Variants in ADGRF5 observed in about 807,000 individuals in gnomAD.
The protein encoded by ADGRF5 is adhesion G protein-coupled receptor F5.
A neutral mutation model predicts 132.3 loss-of-function variants in ADGRF5; 75 were observed. The observed-to-expected ratio is 0.57, with a 90% CI of 0.47 to 0.69. The LOEUF is 0.69. ADGRF5 is among the 30% of genes least tolerant of loss of function. ADGRF5 has a pLI of 0.00. For missense variants in ADGRF5, 1,516 were observed against 1,630.6 expected (o/e 0.93, Z 1.21); for synonymous variants, 629 against 597.6 (o/e 1.05, Z -0.77).
chr6:46,894,927 C>T (rs1454178004), intron 3 of ADGRF5, among the ~76,000 whole-genome samples: 6 of 152,150 alleles, frequency 3.9e-5, no homozygotes, highest in Non-Finnish European at 7.3e-5. Context: ...GCCTGTAATA[C>T]CAGCACTTTA....
intron 1 of ADGRF5, among the ~76,000 whole-genome samples, chr6:46,953,384 G>A (rs1348781225): frequency 6.6e-6 from 1 of 152,088 alleles, no homozygotes; most frequent in Non-Finnish European, 1.5e-5. Flanking sequence ...CATTTTGGGA[G>A]GCCAAAGTGG....
At chr6:46,944,962 A>G (rs78365149) in intron 1 of ADGRF5, among the ~76,000 whole-genome samples, 1 of 152,188 alleles carries the variant, frequency 6.6e-6, no homozygotes, top group African/African-American at 2.4e-5. Flanking sequence ...CCCTTCAGAC[A>G]GGTCAGTAAA....
upstream of ADGRF5, among the ~76,000 whole-genome samples, chr6:46,926,252 T>C (rs1777235581): frequency 6.6e-6 from 1 of 152,168 alleles, no homozygotes; most frequent in African/African-American, 2.4e-5. Context: ...TGTGTATGCT[T>C]CTCTCAGACA....
intron 9 of ADGRF5, among the ~76,000 whole-genome samples, chr6:46,878,916 T>C (rs1314340543): frequency 6.6e-6 from 1 of 152,156 alleles, no homozygotes; most frequent in South Asian, 2.1e-4. Flanking sequence ...AATTAAGCCT[T>C]ATGCTTGCTT....
intron 10 of ADGRF5, among the ~76,000 whole-genome samples, chr6:46,877,225 C>CCCTTTCTT (rs1554200283): frequency 1.5e-5 from 2 of 131,766 alleles, no homozygotes; most frequent in East Asian, 2.4e-4. Context: ...TTTATTTCCT[C>CCCTTTCTT]TCTTTCTTTC....
intron 13 of ADGRF5, among the ~76,000 whole-genome samples, chr6:46,866,674 A>C (rs1445500434): frequency 6.6e-6 from 1 of 151,746 alleles, no homozygotes; most frequent in African/African-American, 2.4e-5. Context: ...AAGGTATCTC[A>C]ATACTTTCTT....
At position 46,892,217 on chromosome 6, in the gene ADGRF5, G is replaced by A. The variant is rs570251603; in HGVS notation, c.158-3712C>T. On this transcript the variant is annotated intron_variant, in intron 3 of 20. Transcript: ENST00000283296. ...ACACACACACACACACACAGAAAGA[G>A]AGAGAGAGATTTTGGAGCTCAGCCC... Among the ~76,000 whole-genome samples the A allele has an allele frequency of 2.0e-5, 3 of 150,704 alleles. No homozygotes were observed. The South Asian group carries it at 6.3e-4, about 32-fold the overall frequency.
chr6:46,867,528 C>A (rs1330990160), intron 12 of ADGRF5, among the ~76,000 whole-genome samples: 2 of 152,106 alleles, frequency 1.3e-5, no homozygotes, highest in Admixed American at 6.5e-5. Flanking sequence ...TAATTGTTAA[C>A]CTGATGGAAC....
chr6:46,886,739 G>T (rs1162575293), intron 4 of ADGRF5: 1 of 152,180 alleles, frequency 6.6e-6, no homozygotes, highest in East Asian at 1.9e-4. Context: ...TAGTGCCATG[G>T]TCAGTAGGCC....
intron 3 of ADGRF5, among the ~76,000 whole-genome samples, chr6:46,898,785 C>G (rs1415737853): frequency 6.6e-6 from 1 of 152,152 alleles, no homozygotes; most frequent in Non-Finnish European, 1.5e-5. Flanking sequence ...GATCAAGTCA[C>G]ACATGGCTGA....
At chr6:46,876,728 C>T (rs994245801) in intron 10 of ADGRF5, among the ~76,000 whole-genome samples, 1 of 152,212 alleles carries the variant, frequency 6.6e-6, no homozygotes, top group East Asian at 1.9e-4. Flanking sequence ...CTCAGCCTCC[C>T]AAGTAGCTGG....
chr6:46,896,468 T>C (rs1489811859), intron 3 of ADGRF5, among the ~76,000 whole-genome samples: 3 of 152,208 alleles, frequency 2.0e-5, no homozygotes, highest in Non-Finnish European at 4.4e-5. Flanking sequence ...TTCTCTGGAC[T>C]GGAGGTAGAT....
intron 18 of ADGRF5, 33 bp downstream of exon 18, chr6:46,856,834 T>A (rs765030822): frequency 6.2e-7 from 1 of 1,607,790 alleles, no homozygotes; most frequent in African/African-American, 1.3e-5. Context: ...ACTTCAGACT[T>A]TTCTAGAAAC....
At chr6:46,943,737 G>T (rs1778188789) in intron 1 of ADGRF5, among the ~76,000 whole-genome samples, 2 of 152,088 alleles carry the variant, frequency 1.3e-5, no homozygotes, top group Non-Finnish European at 2.9e-5. Context: ...AAAATTTGAG[G>T]CAGACTATGA....
At chr6:46,944,294 G>A (rs1032513160) in intron 1 of ADGRF5, among the ~76,000 whole-genome samples, 6 of 152,124 alleles carry the variant, frequency 3.9e-5, no homozygotes, top group South Asian at 2.1e-4. Context: ...GGTGAGAATC[G>A]AATGCCACCA....
chr6:46,869,595 T>A (rs1372899627), intron 11 of ADGRF5, among the ~76,000 whole-genome samples: 1 of 152,212 alleles, frequency 6.6e-6, no homozygotes, highest in African/African-American at 2.4e-5. Flanking sequence ...GGCAGACCTG[T>A]AGCCTCTGTG....
chr6:46,945,498 G>C (rs1778270625), intron 1 of ADGRF5, among the ~76,000 whole-genome samples: 1 of 152,170 alleles, frequency 6.6e-6, no homozygotes, highest in Non-Finnish European at 1.5e-5. Context: ...GGAGTAAAAA[G>C]ATGAATAAGA....
intron 1 of ADGRF5, among the ~76,000 whole-genome samples, chr6:46,939,061 G>C (rs562134995): frequency 2.0e-5 from 3 of 152,158 alleles, no homozygotes; most frequent in South Asian, 2.1e-4. Context: ...AGTAGAGATG[G>C]GGTTTCACCA....
At chr6:46,895,218 C>G (rs1436845700) in intron 3 of ADGRF5, among the ~76,000 whole-genome samples, 2 of 151,954 alleles carry the variant, frequency 1.3e-5, no homozygotes, top group African/African-American at 2.4e-5. Context: ...CAGGCTTCAC[C>G]TTTGGTATAG....
Sources: gnomAD v4.1 joint callset for allele counts (sites outside exome capture counted in the v4.1 genomes callset) on GRCh38, gnomAD v4.1.1 for gene constraint, MANE v1.5 for transcripts, NCBI Gene and HGNC (gene_info 2026-07-23, HGNC 2026-07-21) for gene names.